The following SAMM50 variants were observed in gnomAD, a reference collection of about 807,000 sequenced individuals.
SAMM50 encodes SAMM50 sorting and assembly machinery component, also known as sorting and assembly machinery component 50 homolog.
SAMM50 carries 47 observed loss-of-function variants against 66.9 expected under a neutral mutation model. The ratio of observed to expected loss-of-function variants is 0.70; its 90% CI spans 0.56 to 0.90. SAMM50 has a LOEUF of 0.90. Ranked by LOEUF, SAMM50 falls within the 40% of genes least tolerant of loss-of-function variation. The probability of loss-of-function intolerance (pLI) is 0.00; values close to 1 mark genes in which losing one functional copy is unlikely to be tolerated. For synonymous variants in SAMM50, 191 were observed against 214.1 expected (o/e 0.89, Z 0.94); for missense variants, 535 against 595.3 (o/e 0.90, Z 1.05).
chr22:43,972,803 T>G, intron 5 of SAMM50, 68 bp from the exon 6 acceptor site: 1 of 1,438,136 alleles, frequency 7.0e-7, no homozygotes, highest in Non-Finnish European at 9.5e-7. Context: ...TAGCATAGTC[T>G]TTATCCAATC....
At chr22:43,992,159 G>C (rs1233250608) in intron 14 of SAMM50, among the ~76,000 whole-genome samples, 1 of 152,208 alleles carries the variant, frequency 6.6e-6, no homozygotes, top group Non-Finnish European at 1.5e-5. Flanking sequence ...GCCAGTTGAA[G>C]GAAATGCTGT....
intron 14 of SAMM50, among the ~76,000 whole-genome samples, chr22:43,993,292 C>G (rs923867169): frequency 3.3e-5 from 5 of 152,258 alleles, no homozygotes; most frequent in Admixed American, 2.6e-4. Flanking sequence ...CAGGGAGGGT[C>G]TGGGCAGCCC....
chr22:43,962,098 T>C (rs2056573696), intron 1 of SAMM50, among the ~76,000 whole-genome samples: 1 of 152,150 alleles, frequency 6.6e-6, no homozygotes, highest in African/African-American at 2.4e-5. Flanking sequence ...TGAAAATGCA[T>C]CTAATACACA....
chr22:43,996,041 C>CTCCG (rs1309286553), intron 14 of SAMM50, among the ~76,000 whole-genome samples: 1 of 152,218 alleles, frequency 6.6e-6, no homozygotes, highest in Non-Finnish European at 1.5e-5. Flanking sequence ...CCTCTGTCCT[C>CTCCG]TCCGTCCGGA....
At chr22:43,966,010 T>C (rs531224144) in intron 3 of SAMM50, among the ~76,000 whole-genome samples, 1 of 152,206 alleles carries the variant, frequency 6.6e-6, no homozygotes, top group East Asian at 1.9e-4. Flanking sequence ...AGCTAATTTT[T>C]AAAGTTTTTC....
At chr22:43,989,028 C>G (rs759185928) in intron 12 of SAMM50, 83 bp from the exon 13 acceptor site, 131 of 1,416,206 alleles carry the variant, frequency 9.3e-5, no homozygotes, top group Admixed American at 1.2e-4. Context: ...GGACAGAAAT[C>G]TTGCTTCTGT....
chr22:43,969,661 T>C (rs2050193717), intron 4 of SAMM50, among the ~76,000 whole-genome samples: 1 of 152,144 alleles, frequency 6.6e-6, no homozygotes, highest in African/African-American at 2.4e-5. Context: ...ACCTAGAAGA[T>C]GCATCTGAGC....
chr22:43,991,612 T>C (rs1216596328), intron 14 of SAMM50, among the ~76,000 whole-genome samples: 3 of 152,342 alleles, frequency 2.0e-5, no homozygotes, highest in Admixed American at 2.0e-4. Context: ...TTCATTATAG[T>C]GTATCTCGGT....
chr22:43,956,123 G>T (rs2050118275), intron 1 of SAMM50, among the ~76,000 whole-genome samples: 1 of 152,122 alleles, frequency 6.6e-6, no homozygotes, highest in Non-Finnish European at 1.5e-5. Flanking sequence ...TACCTACCTC[G>T]CCTGGCTTAA....
At chr22:43,989,078 C>T in intron 12 of SAMM50, 33 bp from the exon 13 acceptor site, 1 of 1,592,766 alleles carries the variant, frequency 6.3e-7, no homozygotes, top group Non-Finnish European at 8.5e-7. Flanking sequence ...CTTGTCGGAC[C>T]TTGTTTTTGT....
At position 43,973,328 on chromosome 22, in the gene SAMM50, G is replaced by C; in HGVS notation, c.648+5G>C. 1.3e-6 allele frequency: 2 copies of C among 1,556,806 alleles called. No homozygotes were observed. The highest frequency in any genetic ancestry group is 1.8e-6 in the Non-Finnish European group (2 of 1,127,846). On this transcript the variant is annotated splice_donor_5th_base_variant and intron_variant, in intron 7 of 14. Coordinates refer to ENST00000350028, the MANE Select transcript of SAMM50 (RefSeq NM_015380.5). ...GGAATGTCAGCTGAGTACAGTGTGA[G>C]TAGCATTTCAGTCCTTCCCTCTGGG...
chr22:43,991,900 C>T (rs1245005737), intron 14 of SAMM50, among the ~76,000 whole-genome samples: 1 of 152,224 alleles, frequency 6.6e-6, no homozygotes, highest in African/African-American at 2.4e-5. Flanking sequence ...GTCTGCACCT[C>T]AGCACCTCCC....
At chr22:43,976,486 C>T (rs1275757342) in intron 8 of SAMM50, among the ~76,000 whole-genome samples, 1 of 152,224 alleles carries the variant, frequency 6.6e-6, no homozygotes, top group Non-Finnish European at 1.5e-5. Flanking sequence ...CTTGAGAGAA[C>T]GAACCCGGTG....
intron 1 of SAMM50, among the ~76,000 whole-genome samples, chr22:43,959,294 C>T (rs979827564): frequency 6.6e-6 from 1 of 151,888 alleles, no homozygotes; most frequent in Non-Finnish European, 1.5e-5. Flanking sequence ...GTTGGGATTA[C>T]AGGTGTGAGC....
intron 4 of SAMM50, among the ~76,000 whole-genome samples, chr22:43,969,360 A>C (rs894483228): frequency 2.0e-5 from 3 of 152,170 alleles, no homozygotes; most frequent in African/African-American, 7.2e-5. Context: ...CTGAACATTT[A>C]TTCTTTGGCT....
intron 14 of SAMM50, among the ~76,000 whole-genome samples, chr22:43,993,017 A>G (rs563233933): frequency 5.1e-4 from 77 of 152,340 alleles, no homozygotes; most frequent in African/African-American, 1.8e-3. Context: ...TGGTTTTGCA[A>G]GTTTCTTTCT....
At chr22:43,981,229 C>T (rs1174858314) in intron 10 of SAMM50, among the ~76,000 whole-genome samples, 162 bp from the exon 11 acceptor site, 1 of 152,262 alleles carries the variant, frequency 6.6e-6, no homozygotes, top group Non-Finnish European at 1.5e-5. Context: ...CGAAGGGTAG[C>T]TCTGCAACGG....
chr22:43,987,913 T>TATATATAC (rs745965697), intron 12 of SAMM50: 20 of 151,292 alleles, frequency 1.3e-4, no homozygotes, highest in Middle Eastern at 3.2e-3. Flanking sequence ...TATATATATA[T>TATATATAC]ACACACACAG....
chr22:43,959,379 C>T (rs556191051), intron 1 of SAMM50, among the ~76,000 whole-genome samples: 1 of 152,218 alleles, frequency 6.6e-6, no homozygotes, highest in African/African-American at 2.4e-5. Context: ...GTTCATAACT[C>T]ATTCATTTCA....
Sources: allele counts gnomAD v4.1 joint callset (sites outside exome capture counted in the v4.1 genomes callset), GRCh38; gene constraint gnomAD v4.1.1; transcripts MANE v1.5; gene names NCBI Gene and HGNC (gene_info 2026-07-23, HGNC 2026-07-21).